GTF3C5: variants seen among roughly 807,000 people sequenced by gnomAD.
GTF3C5 encodes general transcription factor IIIC subunit 5.
Under a neutral mutation model 61.0 loss-of-function variants are expected in GTF3C5, and 47 were observed. That is an observed-to-expected ratio of 0.77 (90% CI 0.61 to 0.98). The LOEUF (loss-of-function observed/expected upper bound fraction) is 0.98, where lower values mean the gene tolerates loss of function less well. Among genes scored for constraint, GTF3C5 ranks in the 50% least tolerant of loss-of-function variants. The pLI, the probability that GTF3C5 is intolerant of heterozygous loss-of-function variation, is 0.00. For synonymous variants in GTF3C5, 295 were observed against 275.4 expected (o/e 1.07, Z -0.71); for missense variants, 659 against 703.3 (o/e 0.94, Z 0.71).
At position 133,042,163 on chromosome 9, in the gene GTF3C5, A is replaced by G. The variant is rs745868653; in HGVS notation, c.230A>G (p.Asn77Ser). ...KDPYCHPVCA[N>S]RFSTSSLLLR... ...CCATACTGCCACCCAGTGTGCGCCAACCGCTTCAGTACCAGCAGCCTGCTG... is the reference window on the plus strand; with the variant it reads ...CCATACTGCCACCCAGTGTGCGCCAGCCGCTTCAGTACCAGCAGCCTGCTG... The change falls in exon 2 of 11, where the codon AAC becomes AGC. Residue 77 changes from asparagine (N) to serine (S), a missense_variant. Physicochemically the swap from Asn to Ser is conservative, Grantham distance 46 (BLOSUM62 1). Transcript: ENST00000372097. 21 of 1,614,008 alleles carry G rather than the reference A, an allele frequency of 1.3e-5. No individual in the cohort carries two copies. The South Asian group carries it at 1.6e-4, about 13-fold the overall frequency.
At chr9:133,042,045 G>A in intron 1 of GTF3C5, 42 bp from the exon 2 acceptor site, 2 of 1,429,668 alleles carry the variant, frequency 1.4e-6, no homozygotes, top group Non-Finnish European at 2.0e-6. Context: ...TGGCTGCTTG[G>A]CTTGTCATTG....
In GTF3C5 at chr9:133,037,403, A is replaced by G. The variant is rs368996745; in HGVS notation, c.154-4684A>G. 1.5e-3 allele frequency among the ~76,000 whole-genome samples: 234 copies of G among 152,264 alleles called. 3 individuals are homozygous for G. The highest frequency in any genetic ancestry group is 4.6e-3 in the African/African-American group (191 of 41,508). On this transcript the variant is annotated intron_variant, in intron 1 of 10. Transcript: ENST00000372097. ...ATAAGGGGACACACCGGGTTCAAGG[A>G]GCCCGTCCCTAATGAGACTCTCAAT...
chr9:133,045,770 G>A (rs537651300), intron 3 of GTF3C5, among the ~76,000 whole-genome samples: 1 of 152,126 alleles, frequency 6.6e-6, no homozygotes, highest in South Asian at 2.1e-4. Context: ...CTGAGTAGTT[G>A]GGACTGCAGG....
rs761326990 is a variant in GTF3C5 at position 133,056,913 on chromosome 9, G to A, written c.1393+5G>A. 5 of 1,592,338 alleles carry A rather than the reference G, an allele frequency of 3.1e-6. No homozygotes were observed. The South Asian group carries it at 5.7e-5, about 18-fold the overall frequency. ...CCATCCGCTCCAAGAGGCCTGGTAA[G>A]AGCCGCTTGGGGTAAAGGGGGTCCA... is the stretch of plus-strand genomic sequence containing the variant. On this transcript the variant is annotated splice_donor_5th_base_variant and intron_variant, in intron 10 of 10. Coordinates refer to ENST00000372097, the MANE Select transcript of GTF3C5 (RefSeq NM_012087.4).
At chr9:133,057,020 T>A in intron 10 of GTF3C5, 112 bp downstream of exon 10, 1 of 1,065,360 alleles carries the variant, frequency 9.4e-7, no homozygotes, top group Non-Finnish European at 1.3e-6. Context: ...TGGCATCATC[T>A]TGCCCCTGGC....
chr9:133,052,405 C>A (rs966058719), intron 5 of GTF3C5, among the ~76,000 whole-genome samples: 2 of 135,814 alleles, frequency 1.5e-5, no homozygotes, highest in Non-Finnish European at 3.1e-5. Flanking sequence ...TTCCTTCCCC[C>A]CTGTCCTGGC....
chr9:133,033,853 T>G (rs1021598437), intron 1 of GTF3C5, among the ~76,000 whole-genome samples: 4 of 152,220 alleles, frequency 2.6e-5, no homozygotes, highest in Non-Finnish European at 5.9e-5. Flanking sequence ...GAGTTTGCTT[T>G]AGGTCTCTTA....
At chr9:133,048,564 G>C (rs370813380) in intron 3 of GTF3C5, among the ~76,000 whole-genome samples, 1 of 152,192 alleles carries the variant, frequency 6.6e-6, no homozygotes, top group Non-Finnish European at 1.5e-5. Context: ...AGCTACTTGG[G>C]GGGCTGAGGC....
chr9:133,038,450 C>T (rs1849940525), intron 1 of GTF3C5, among the ~76,000 whole-genome samples: 1 of 129,774 alleles, frequency 7.7e-6, no homozygotes, highest in Non-Finnish European at 1.7e-5. Context: ...CCCCTAGGAG[C>T]TTTTTTTTTT....
chr9:133,041,669 C>T (rs1374754687), intron 1 of GTF3C5, among the ~76,000 whole-genome samples: 2 of 152,144 alleles, frequency 1.3e-5, no homozygotes, highest in African/African-American at 4.8e-5. Context: ...TCCCCCGGGC[C>T]CAGCTGTCTT....
At chr9:133,042,051 C>T in intron 1 of GTF3C5, 36 bp from the exon 2 acceptor site, 1 of 1,484,578 alleles carries the variant, frequency 6.7e-7, no homozygotes, top group Non-Finnish European at 9.4e-7. Context: ...CTTGGCTTGT[C>T]ATTGCTTCAC....
chr9:133,047,027 C>T (rs1588472047), intron 3 of GTF3C5, among the ~76,000 whole-genome samples: 1 of 152,130 alleles, frequency 6.6e-6, no homozygotes, highest in Admixed American at 6.5e-5. Flanking sequence ...TAGTAGCCCC[C>T]ACGTGCCCAT....
At chr9:133,044,272 G>A (rs2119000147) in intron 3 of GTF3C5, 1 of 259,450 alleles carries the variant, frequency 3.9e-6, no homozygotes, top group South Asian at 5.9e-5. Flanking sequence ...CAGGGCCTTA[G>A]TAAGCGGTGG....
chr9:133,043,589 G>A (rs1850101092), intron 2 of GTF3C5, 139 bp from the exon 3 acceptor site: 1 of 663,566 alleles, frequency 1.5e-6, no homozygotes, highest in African/African-American at 1.8e-5. Context: ...TGGGAAGGGT[G>A]TGTTTTCCTG....
chr9:133,038,993 G>A (rs1252076657), intron 1 of GTF3C5, among the ~76,000 whole-genome samples: 1 of 152,180 alleles, frequency 6.6e-6, no homozygotes, highest in Non-Finnish European at 1.5e-5. Flanking sequence ...TGCCACGTAC[G>A]GCTCTAGGTG....
Position 133,031,025 on chromosome 9 carries a change from C to T in GTF3C5, c.14C>T (p.Ala5Val), listed in dbSNP as rs1426478724. ...AGACGCACAGGGATGGCGGCGGAGG[C>T]GGCCGATTTGGGGCTGGGGGCCGCC... is the stretch of plus-strand genomic sequence containing the variant. MAAEAADLGLGAAVP... is the reference protein window; with the variant it reads MAAEVADLGLGAAVP... The change falls in exon 1 of 11, where the codon GCG becomes GTG. Residue 5 changes from alanine to valine, a missense_variant. Ala to Val is a moderately conservative substitution (Grantham distance 64). Coordinates refer to ENST00000372097, the MANE Select transcript of GTF3C5 (RefSeq NM_012087.4). 2.5e-6 allele frequency: 4 copies of T among 1,612,064 alleles called. No individual in the cohort carries two copies. Among genetic ancestry groups the T allele is most frequent in the Non-Finnish European group, 3.4e-6 (4 of 1,179,124 alleles).
At chr9:133,057,407 CAG>C (rs1829968630) in intron 10 of GTF3C5, among the ~76,000 whole-genome samples, 1 of 152,210 alleles carries the variant, frequency 6.6e-6, no homozygotes. Flanking sequence ...CCCCCTCTCT[CAG>C]GGAACTCCTC....
chr9:133,054,877 G>T, intron 8 of GTF3C5, 68 bp downstream of exon 8: 2 of 1,537,362 alleles, frequency 1.3e-6, no homozygotes, highest in African/African-American at 2.7e-5. Context: ...CCTTGTGGGT[G>T]ACACCTGGGG....
intron 5 of GTF3C5, among the ~76,000 whole-genome samples, chr9:133,053,343 G>A (rs957531640): frequency 2.6e-5 from 4 of 152,140 alleles, no homozygotes; most frequent in African/African-American, 7.2e-5. Flanking sequence ...CCGGTACTTC[G>A]GGAGGCTGAA....
Sources: allele counts gnomAD v4.1 joint callset (sites outside exome capture counted in the v4.1 genomes callset), GRCh38; gene constraint gnomAD v4.1.1; transcripts MANE v1.5; gene names NCBI Gene and HGNC (gene_info 2026-07-23, HGNC 2026-07-21).